PLPPR1: variants seen among roughly 807,000 people sequenced by gnomAD.
PLPPR1 encodes the protein phospholipid phosphatase-related protein type 1.
In PLPPR1, 10 loss-of-function variants were observed where a neutral mutation model predicts 33.1. The observed-to-expected ratio is 0.30, with a 90% CI of 0.19 to 0.51. The LOEUF (loss-of-function observed/expected upper bound fraction) is 0.51, where lower values mean the gene tolerates loss of function less well. Among genes scored for constraint, PLPPR1 ranks in the 20% least tolerant of loss-of-function variants. The pLI, the probability that PLPPR1 is intolerant of heterozygous loss-of-function variation, is 0.97. For synonymous variants in PLPPR1, 151 were observed against 151.0 expected (o/e 1.00, Z 0.00); for missense variants, 304 against 408.1 (o/e 0.74, Z 2.20).
At chr9:101,211,903 C>A (rs1826698182) in intron 2 of PLPPR1, among the ~76,000 whole-genome samples, 2 of 152,164 alleles carry the variant, frequency 1.3e-5, no homozygotes. Context: ...ATTATTACCA[C>A]CTCCACTTTA....
chr9:101,059,511 TGTAAA>T (rs1224001892), intron 1 of PLPPR1, among the ~76,000 whole-genome samples: 1 of 152,112 alleles, frequency 6.6e-6, no homozygotes, highest in Non-Finnish European at 1.5e-5. Flanking sequence ...GCATTATGGC[TGTAAA>T]GTAATGAGAT....
At chr9:101,288,404 C>T (rs890812674) in intron 4 of PLPPR1, among the ~76,000 whole-genome samples, 6 of 152,014 alleles carry the variant, frequency 3.9e-5, no homozygotes, top group Admixed American at 2.6e-4. Context: ...GATAAGCCAG[C>T]GACATTCAAA....
At chr9:101,282,617 A>AT (rs1277754719) in intron 3 of PLPPR1, among the ~76,000 whole-genome samples, 4 of 152,144 alleles carry the variant, frequency 2.6e-5, no homozygotes, top group Admixed American at 1.3e-4. Context: ...AAAACATTAA[A>AT]TTTTCCTTGT....
intron 2 of PLPPR1, among the ~76,000 whole-genome samples, chr9:101,193,779 T>G (rs1826343869): frequency 6.6e-6 from 1 of 152,226 alleles, no homozygotes; most frequent in South Asian, 2.1e-4. Flanking sequence ...ATTGATTTAC[T>G]TAAGGCTACA....
At chr9:101,319,206 T>C (rs897843434) in intron 7 of PLPPR1, among the ~76,000 whole-genome samples, 3 of 152,200 alleles carry the variant, frequency 2.0e-5, no homozygotes, top group Non-Finnish European at 4.4e-5. Context: ...AGATGGAGTC[T>C]CACTCTTTCG....
At chr9:101,233,880 T>G (rs1428128046) in intron 2 of PLPPR1, among the ~76,000 whole-genome samples, 1 of 151,946 alleles carries the variant, frequency 6.6e-6, no homozygotes, top group African/African-American at 2.4e-5. Flanking sequence ...AAATTACCCT[T>G]TAAACATGGT....
chr9:101,207,994 C>A (rs1221836080), intron 2 of PLPPR1, among the ~76,000 whole-genome samples: 1 of 152,140 alleles, frequency 6.6e-6, no homozygotes, highest in African/African-American at 2.4e-5. Flanking sequence ...ATGCCTCCTG[C>A]AAAGTTGAAA....
intron 2 of PLPPR1, among the ~76,000 whole-genome samples, chr9:101,216,000 A>G (rs1029909694): frequency 6.6e-6 from 1 of 152,110 alleles, no homozygotes; most frequent in Admixed American, 6.5e-5. Flanking sequence ...TTTTTGATAT[A>G]TATCAGCAGT....
intron 1 of PLPPR1, among the ~76,000 whole-genome samples, chr9:101,101,370 T>C (rs923791945): frequency 5.9e-5 from 9 of 152,104 alleles, no homozygotes; most frequent in Non-Finnish European, 1.2e-4. Flanking sequence ...GGAAATGTGG[T>C]CCTGTCCTGA....
intron 2 of PLPPR1, among the ~76,000 whole-genome samples, chr9:101,229,781 C>G (rs980638252): frequency 6.6e-6 from 1 of 152,106 alleles, no homozygotes; most frequent in African/African-American, 2.4e-5. Flanking sequence ...CCAGCAAAGT[C>G]AGCAGATTCT....
chr9:101,126,721 G>C (rs1831250163), intron 1 of PLPPR1, among the ~76,000 whole-genome samples: 1 of 152,258 alleles, frequency 6.6e-6, no homozygotes, highest in Non-Finnish European at 1.5e-5. Flanking sequence ...GAGCTGACAG[G>C]CTAGTAAAAC....
intron 4 of PLPPR1, among the ~76,000 whole-genome samples, chr9:101,304,119 AAAGTCCCAGTTTTT>A (rs1237519446): frequency 1.3e-5 from 2 of 152,236 alleles, no homozygotes; most frequent in African/African-American, 2.4e-5. Context: ...AGACACTTAT[AAAGTCCCAGTTTTT>A]AATGATCACT....
chr9:101,318,662 T>G (rs1269832665), intron 7 of PLPPR1, among the ~76,000 whole-genome samples: 1 of 152,064 alleles, frequency 6.6e-6, no homozygotes, highest in African/African-American at 2.4e-5. Context: ...TAGTCCCAGC[T>G]ACTCCAGAGG....
intron 4 of PLPPR1, among the ~76,000 whole-genome samples, chr9:101,304,423 C>T (rs1364689816): frequency 1.3e-5 from 2 of 152,138 alleles, no homozygotes; most frequent in African/African-American, 4.8e-5. Flanking sequence ...GCTGGGAATA[C>T]AATGATGAGC....
chr9:101,145,638 C>T lies in PLPPR1; in HGVS notation c.-45-39812C>T, dbSNP rs190853022. Among the ~76,000 whole-genome samples the T allele has an allele frequency of 7.4e-3, 1,120 of 152,122 alleles. 11 individuals carry two copies. Among genetic ancestry groups the T allele is most frequent in the African/African-American group, 0.025 (1,057 of 41,478 alleles). ...TCAGGTGATCCATCTGCCTCAGCCTCCCAAAGTGCTGGGATTACAAATGCA... is the reference window on the plus strand; with the variant it reads ...TCAGGTGATCCATCTGCCTCAGCCTTCCAAAGTGCTGGGATTACAAATGCA... On this transcript the variant is annotated intron_variant, in intron 1 of 7. Coordinates refer to ENST00000374874, the MANE Select transcript of PLPPR1 (RefSeq NM_207299.2).
At chr9:101,138,751 C>T (rs971274798) in intron 1 of PLPPR1, among the ~76,000 whole-genome samples, 2 of 152,294 alleles carry the variant, frequency 1.3e-5, no homozygotes, top group East Asian at 3.9e-4. Flanking sequence ...GGAATTATCA[C>T]CCTCCAGTGA....
At chr9:101,192,098 C>G (rs892891871) in intron 2 of PLPPR1, among the ~76,000 whole-genome samples, 1 of 152,148 alleles carries the variant, frequency 6.6e-6, no homozygotes. Flanking sequence ...AATTCCATAT[C>G]ATCACTTTTG....
intron 3 of PLPPR1, among the ~76,000 whole-genome samples, chr9:101,273,311 T>C (rs1828132043): frequency 6.6e-6 from 1 of 152,214 alleles, no homozygotes; most frequent in Admixed American, 6.5e-5. Context: ...CTGCTATGAC[T>C]TCCAATAACA....
chr9:101,049,468 A>G (rs1588006919), intron 1 of PLPPR1, among the ~76,000 whole-genome samples: 1 of 152,354 alleles, frequency 6.6e-6, no homozygotes, highest in East Asian at 1.9e-4. Flanking sequence ...AAAAATAATT[A>G]TAGTGGCTTA....
Sources: gnomAD v4.1 joint callset for allele counts (sites outside exome capture counted in the v4.1 genomes callset) on GRCh38, gnomAD v4.1.1 for gene constraint, MANE v1.5 for transcripts, NCBI Gene and HGNC (gene_info 2026-07-23, HGNC 2026-07-21) for gene names.